Variants in KDM1B observed in about 807,000 individuals in gnomAD.
KDM1B encodes the protein lysine-specific histone demethylase 2.
In KDM1B, 63 loss-of-function variants were observed where a neutral mutation model predicts 107.4. That is an observed-to-expected ratio of 0.59 (90% CI 0.48 to 0.72). The LOEUF is 0.72. Ranked by LOEUF, KDM1B falls within the 30% of genes least tolerant of loss-of-function variation. The pLI is 0.00. For missense variants in KDM1B, 749 were observed against 1,020.8 expected (o/e 0.73, Z 3.63); for synonymous variants, 363 against 363.9 (o/e 1.00, Z 0.03).
chr6:18,219,003 C>T (rs925827176), intron 21 of KDM1B, among the ~76,000 whole-genome samples: 24 of 152,164 alleles, frequency 1.6e-4, no homozygotes, highest in Non-Finnish European at 2.8e-4. Flanking sequence ...CCTGGGTTCA[C>T]ACCATTCTCC....
chr6:18,215,741 CT>C (rs779967439), intron 20 of KDM1B, among the ~76,000 whole-genome samples: 2,254 of 140,618 alleles, frequency 0.016, 10 homozygotes, highest in Middle Eastern at 0.025. Flanking sequence ...ACACACTTCC[CT>C]TTTTTTTTTT....
intron 6 of KDM1B, among the ~76,000 whole-genome samples, chr6:18,168,247 G>A (rs949384422): frequency 6.6e-6 from 1 of 152,068 alleles, no homozygotes; most frequent in Non-Finnish European, 1.5e-5. Flanking sequence ...TTTTCATCAC[G>A]CACAAGGGAA....
At chr6:18,157,467 C>G (rs1262148859) in intron 2 of KDM1B, among the ~76,000 whole-genome samples, 1 of 152,138 alleles carries the variant, frequency 6.6e-6, no homozygotes, top group Non-Finnish European at 1.5e-5. Context: ...ACTATACTTT[C>G]TTTTGAGAAT....
At chr6:18,210,907 A>G (rs1788813692) in intron 17 of KDM1B, among the ~76,000 whole-genome samples, 1 of 152,122 alleles carries the variant, frequency 6.6e-6, no homozygotes, top group South Asian at 2.1e-4. Context: ...AGCTGAGGCA[A>G]GAGGATCACT....
rs1448780033 is a variant in KDM1B at position 18,159,198 on chromosome 6, C to T, written c.-13-685C>T. Among the ~76,000 whole-genome samples, 1 of 152,154 alleles carries T rather than the reference C, an allele frequency of 6.6e-6. No homozygotes were observed. Among genetic ancestry groups the T allele is most frequent in the Non-Finnish European group, 1.5e-5 (1 of 68,032 alleles). Reference sequence around the variant, plus strand: ...GGTCAGACTGGTCTCGAACTCCTGACCTCATGATCCGCCTGCCTGGGCCTT... The same window carrying T: ...GGTCAGACTGGTCTCGAACTCCTGATCTCATGATCCGCCTGCCTGGGCCTT... On this transcript the variant is annotated intron_variant, in intron 2 of 21. Coordinates refer to ENST00000650836, the MANE Select transcript of KDM1B (RefSeq NM_001364614.2). This position sits in a 1 kb window ranked among gnomAD's most constrained non-coding sequence, Gnocchi z 4.5.
intron 7 of KDM1B, 35 bp from the exon 8 acceptor site, chr6:18,185,737 G>C: frequency 6.3e-7 from 1 of 1,595,094 alleles, no homozygotes; most frequent in Non-Finnish European, 8.6e-7. Context: ...TATTTTATAA[G>C]CAACCCTAAT....
At position 18,222,561 on chromosome 6, in the gene KDM1B, T is replaced by C. The variant is rs2151068562; in HGVS notation, c.*569T>C. The C allele has an allele frequency of 5.8e-6, 1 of 173,484 alleles. No homozygotes were observed. The highest frequency in any genetic ancestry group is 5.8e-5 in the Admixed American group (1 of 17,116). 10.7% of individuals were successfully genotyped at this position (173,484 alleles called of 1,614,324 possible). A position where few individuals can be genotyped will look rare whatever the true frequency, so the allele number is the denominator to read the frequency against. ...TGAAGCTTCTAGGTATTTTGTATTG[T>C]ACATATTTCCTCCTACTGGGTGTTC... On this transcript the variant is annotated 3_prime_UTR_variant, in exon 22 of 22. Coordinates refer to ENST00000650836, the MANE Select transcript of KDM1B (RefSeq NM_001364614.2).
Position 18,222,560 on chromosome 6 carries a change from G to A in KDM1B, c.*568G>A, listed in dbSNP as rs1445039669. ...ATGAAGCTTCTAGGTATTTTGTATT[G>A]TACATATTTCCTCCTACTGGGTGTT... On this transcript the variant is annotated 3_prime_UTR_variant, in exon 22 of 22. Coordinates refer to ENST00000650836, the MANE Select transcript of KDM1B (RefSeq NM_001364614.2). The A allele has an allele frequency of 5.8e-6, 1 of 172,496 alleles. No individual in the cohort carries two copies. Among genetic ancestry groups the A allele is most frequent in the Non-Finnish European group, 1.2e-5 (1 of 80,588 alleles). 10.7% of individuals were successfully genotyped at this position (172,496 alleles called of 1,614,324 possible).
chr6:18,212,715 A>G lies in KDM1B; in HGVS notation c.1983+111A>G, dbSNP rs1788937388. On this transcript the variant is annotated intron_variant, in intron 18 of 21. Transcript: ENST00000650836. The surrounding 1 kb of genome is among the most constrained non-coding windows in gnomAD (Gnocchi z 5.2). ...ACTATCTAAATACAAATAAAACTCA[A>G]GGATTTCCTTTTCATTTGAGTAATT... 2 of 747,510 alleles carry G rather than the reference A, an allele frequency of 2.7e-6. No homozygotes were observed. Among genetic ancestry groups the G allele is most frequent in the Non-Finnish European group, 4.7e-6 (2 of 421,886 alleles). The allele number at this position is 747,510 out of a possible 1,614,324, so 46.3% of individuals were successfully genotyped here.
intron 7 of KDM1B, among the ~76,000 whole-genome samples, chr6:18,173,655 GT>G (rs543843521): frequency 6.6e-6 from 1 of 151,286 alleles, no homozygotes; most frequent in South Asian, 2.1e-4. Context: ...ACTAGCTCAA[GT>G]TTTTTTTTGT....
rs199999923 is a variant in KDM1B at position 18,187,000 on chromosome 6, A to ACACACAC, written c.574-792_574-791insCACACAC. Among the ~76,000 whole-genome samples the ACACACAC allele has an allele frequency of 2.3e-4, 33 of 145,178 alleles. No homozygotes were observed. Among genetic ancestry groups the ACACACAC allele is most frequent in the Admixed American group, 1.7e-3 (25 of 14,538 alleles). On this transcript the variant is annotated intron_variant, in intron 8 of 21. Coordinates refer to ENST00000650836, the MANE Select transcript of KDM1B (RefSeq NM_001364614.2). This position sits in a 1 kb window ranked among gnomAD's most constrained non-coding sequence, Gnocchi z 5.6. ...CACACACACACACACACACACACAC[A>ACACACAC]TTTTTTTTCCAGGCTCCAGAATAGA...
chr6:18,191,597 T>G lies in KDM1B; in HGVS notation c.969+216T>G, dbSNP rs80171493. Among the ~76,000 whole-genome samples the G allele has an allele frequency of 7.7e-3, 1,166 of 152,284 alleles. 7 individuals carry two copies. Among genetic ancestry groups the G allele is most frequent in the Non-Finnish European group, 0.012 (786 of 68,020 alleles). ...GCTTCTACCCACTAGATTCCAGTAATGCTTCCCACCTGTGAAAACCAAATA... is the reference window on the plus strand; with the variant it reads ...GCTTCTACCCACTAGATTCCAGTAAGGCTTCCCACCTGTGAAAACCAAATA... On this transcript the variant is annotated intron_variant, in intron 10 of 21. Coordinates refer to ENST00000650836, the MANE Select transcript of KDM1B (RefSeq NM_001364614.2). This position sits in a 1 kb window ranked among gnomAD's most constrained non-coding sequence, Gnocchi z 5.1.
At chr6:18,190,985 G>A (rs1678371251) in intron 9 of KDM1B, among the ~76,000 whole-genome samples, 1 of 152,034 alleles carries the variant, frequency 6.6e-6, no homozygotes, top group Non-Finnish European at 1.5e-5. Flanking sequence ...CCATGCTATG[G>A]AAATTAAAGT....
intron 21 of KDM1B, among the ~76,000 whole-genome samples, chr6:18,220,337 C>T (rs1582230293): frequency 1.3e-5 from 2 of 152,114 alleles, no homozygotes; most frequent in African/African-American, 4.8e-5. Flanking sequence ...TCACCTGAGG[C>T]CAGGAGTTTG....
intron 7 of KDM1B, 115 bp downstream of exon 7, chr6:18,171,594 A>T (rs771972224): frequency 1.7e-5 from 12 of 686,356 alleles, no homozygotes; most frequent in Non-Finnish European, 2.4e-5. Context: ...TTGTATTTGC[A>T]TGCATGTAAT....
At chr6:18,177,065 G>A (rs1786063064) in intron 7 of KDM1B, among the ~76,000 whole-genome samples, 1 of 152,094 alleles carries the variant, frequency 6.6e-6, no homozygotes, top group African/African-American at 2.4e-5. Context: ...TCAAATGTCT[G>A]GTAGAATTCT....
intron 16 of KDM1B, 123 bp downstream of exon 16, chr6:18,207,652 T>G: frequency 1.7e-6 from 2 of 1,159,620 alleles, no homozygotes; most frequent in Admixed American, 2.0e-5. Flanking sequence ...CTAGAAGTAC[T>G]TTTGTGGCTC....
In KDM1B at chr6:18,214,661, G is replaced by A. The variant is rs767488435; in HGVS notation, c.2110-346G>A. 2.0e-4 allele frequency among the ~76,000 whole-genome samples: 30 copies of A among 152,184 alleles called. No individual in the cohort carries two copies. Among genetic ancestry groups the A allele is most frequent in the Non-Finnish European group, 3.4e-4 (23 of 68,020 alleles). On this transcript the variant is annotated intron_variant, in intron 19 of 21. Coordinates refer to ENST00000650836, the MANE Select transcript of KDM1B (RefSeq NM_001364614.2). The surrounding 1 kb of genome is among the most constrained non-coding windows in gnomAD (Gnocchi z 4.4). ...ACAGTGGCTCACGCCTGTAATCCCA[G>A]CACTTTGGGAGGCCGAGGTGGGTGG...
chr6:18,221,465 T>C (rs905620974), intron 21 of KDM1B, among the ~76,000 whole-genome samples: 18 of 152,350 alleles, frequency 1.2e-4, no homozygotes, highest in African/African-American at 4.1e-4. Context: ...CTTTTTCTTA[T>C]TGAACTTACG....
Sources: gnomAD v4.1 joint callset for allele counts (sites outside exome capture counted in the v4.1 genomes callset) on GRCh38, gnomAD v4.1.1 for gene constraint, Gnocchi (gnomAD v3.1) non-coding constraint, MANE v1.5 for transcripts, NCBI Gene and HGNC (gene_info 2026-07-23, HGNC 2026-07-21) for gene names.